ITM2C: variants seen among roughly 807,000 people sequenced by gnomAD.
The protein encoded by ITM2C is integral membrane protein 2C, also known as BRICHOS domain containing 2C.
A neutral mutation model predicts 30.0 loss-of-function variants in ITM2C; 20 were observed. The observed-to-expected ratio is 0.67, with a 90% CI of 0.47 to 0.97. The LOEUF (loss-of-function observed/expected upper bound fraction) is 0.97. Among genes scored for constraint, ITM2C ranks in the 50% least tolerant of loss-of-function variants. ITM2C has a pLI of 0.00. For synonymous variants in ITM2C, 167 were observed against 156.4 expected, an observed-to-expected ratio of 1.07 and a Z score of -0.51; for missense variants, 366 against 371.9, an observed-to-expected ratio of 0.98 and a Z score of 0.13.
In ITM2C at chr2:230,874,204, A is replaced by G. The variant is rs532491705; in HGVS notation, c.261+647A>G. ...GGGTGACAAAGAGGTGGGACTTGCC[A>G]GTCATTTATGACCCAAGTGACCTCC... On this transcript the variant is annotated intron_variant, in intron 2 of 5. Transcript: ENST00000326427. 2.4e-4 allele frequency among the ~76,000 whole-genome samples: 36 copies of G among 152,322 alleles called. 1 individual carries two copies. The South Asian group carries it at 7.3e-3, about 31-fold the overall frequency.
In ITM2C at chr2:230,873,226, T is replaced by C. The variant is rs1574594859; in HGVS notation, c.121-191T>C. 6 of 474,338 alleles carry C rather than the reference T, an allele frequency of 1.3e-5. No homozygotes were observed. In the East Asian group the frequency reaches 2.1e-4, roughly 16 times the overall value. 29.4% of individuals were successfully genotyped at this position (474,338 alleles called of 1,614,324 possible). The stretch of plus-strand genomic sequence containing the variant: ...TTTTCTCTTTCGAGGTTTGTCTCGG[T>C]TTCTCTTTAGCCAGGACGAGTCCGG... On this transcript the variant is annotated intron_variant, in intron 1 of 5. Transcript: ENST00000326427.
rs145825288 is a variant in ITM2C at position 230,877,486 on chromosome 2, C to G, written c.648C>G (p.Ser216=). Residue 216 remains serine, a synonymous_variant, in exon 5 of 6, where the codon TCC becomes TCG. Transcript: ENST00000326427. This position sits in a 1 kb window ranked among gnomAD's most constrained non-coding sequence, Gnocchi z 4.8. Reference sequence around the variant, plus strand: ...TCAGTGACAAGGAGGCCCTGGGGTCCTTCATCTACCACCTGTGCAACGGGA... The same window carrying G: ...TCAGTGACAAGGAGGCCCTGGGGTCGTTCATCTACCACCTGTGCAACGGGA... The part of the protein sequence containing the change: ...EHVSDKEALG[S]FIYHLCNGKD... 2 of 1,614,078 alleles carry G rather than the reference C, an allele frequency of 1.2e-6. No homozygotes were observed. The highest frequency in any genetic ancestry group is 1.7e-6 in the Non-Finnish European group (2 of 1,179,994).
At chr2:230,870,086 G>A (rs1284494929) in intron 1 of ITM2C, among the ~76,000 whole-genome samples, 1 of 152,224 alleles carries the variant, frequency 6.6e-6, no homozygotes, top group African/African-American at 2.4e-5. Context: ...TGGGCACCAG[G>A]GATCCCAAGG....
At position 230,870,083 on chromosome 2, in the gene ITM2C, C is replaced by T. The variant is rs576625839; in HGVS notation, c.121-3334C>T. 1.2e-3 allele frequency among the ~76,000 whole-genome samples: 177 copies of T among 152,298 alleles called. 3 individuals are homozygous for T. The South Asian group carries it at 0.034, about 29-fold the overall frequency. ...GCCATCTTTCTAGTGAGCTGGGCAC[C>T]AGGGATCCCAAGGGGCCAGGGCTCT... On this transcript the variant is annotated intron_variant, in intron 1 of 5. Transcript: ENST00000326427.
At chr2:230,871,475 C>G (rs1697163314) in intron 1 of ITM2C, among the ~76,000 whole-genome samples, 1 of 152,248 alleles carries the variant, frequency 6.6e-6, no homozygotes, top group South Asian at 2.1e-4. Flanking sequence ...CTGTGGCCAG[C>G]AGCTGTTCCT....
chr2:230,871,794 G>T (rs572647730), intron 1 of ITM2C, among the ~76,000 whole-genome samples: 9 of 152,218 alleles, frequency 5.9e-5, no homozygotes, highest in South Asian at 2.1e-4. Flanking sequence ...CGCAGTGAAG[G>T]GGGGGTCCTC....
chr2:230,874,091 T>G (rs1697232247), intron 2 of ITM2C, among the ~76,000 whole-genome samples: 1 of 152,144 alleles, frequency 6.6e-6, no homozygotes, highest in Non-Finnish European at 1.5e-5. Context: ...AACCCAGACC[T>G]GGGAGGGAGG....
chr2:230,875,489 C>A, intron 2 of ITM2C, 131 bp from the exon 3 acceptor site: 1 of 754,062 alleles, frequency 1.3e-6, no homozygotes, highest in Non-Finnish European at 2.1e-6. Context: ...AAATGGGTCT[C>A]ACAGTCCCTG....
In ITM2C at chr2:230,864,956, GAGCGGCGGAGGCAGAGACCGAGGCTGC is replaced by G; in HGVS notation, c.-68_-42del. 7.4e-7 allele frequency: 1 copy of G among 1,346,272 alleles called. No homozygotes were observed. The highest frequency in any genetic ancestry group is 3.0e-5 in the East Asian group (1 of 33,100). 83.4% of individuals were successfully genotyped at this position (1,346,272 alleles called of 1,614,324 possible). ...AAACTTCCGGTGCCTGCAGAGCTCG[GAGCGGCGGAGGCAGAGACCGAGGCTGC>G]ACCGGCAGAGGCTGCGGGGCGGACG... is the stretch of plus-strand genomic sequence containing the variant. On this transcript the variant is annotated 5_prime_UTR_variant, in exon 1 of 6. Transcript: ENST00000326427. The surrounding 1 kb of genome is among the most constrained non-coding windows in gnomAD (Gnocchi z 4.3).
chr2:230,869,488 C>G (rs1697111122), intron 1 of ITM2C, among the ~76,000 whole-genome samples: 1 of 152,174 alleles, frequency 6.6e-6, no homozygotes, highest in South Asian at 2.1e-4. Flanking sequence ...GGTCTGGAGC[C>G]TGGGAAAGAA....
At position 230,865,309 on chromosome 2, in the gene ITM2C, G is replaced by T; in HGVS notation, c.120+164G>T. 1.4e-6 allele frequency: 1 copy of T among 704,656 alleles called. No homozygotes were observed. Among genetic ancestry groups the T allele is most frequent in the Non-Finnish European group, 2.0e-6 (1 of 500,072 alleles). 43.7% of individuals were successfully genotyped at this position (704,656 alleles called of 1,614,324 possible). A position where few individuals can be genotyped will look rare whatever the true frequency, so the allele number is the denominator to read the frequency against. ...TGGTTGCTTATCCCAGAATGAGGAG[G>T]GGGCTTAAGTCCCGTACTAAAGCGG... is the stretch of plus-strand genomic sequence containing the variant. On this transcript the variant is annotated intron_variant, in intron 1 of 5. Transcript: ENST00000326427. The surrounding 1 kb of genome is among the most constrained non-coding windows in gnomAD (Gnocchi z 6.8).
At chr2:230,869,430 T>A (rs1697109232) in intron 1 of ITM2C, among the ~76,000 whole-genome samples, 1 of 152,152 alleles carries the variant, frequency 6.6e-6, no homozygotes. Flanking sequence ...AGGCTCTGTC[T>A]TGAACACATA....
At chr2:230,870,171 A>C (rs1697129216) in intron 1 of ITM2C, among the ~76,000 whole-genome samples, 1 of 152,242 alleles carries the variant, frequency 6.6e-6, no homozygotes, top group African/African-American at 2.4e-5. Context: ...CCCCGAGATC[A>C]CAGGCTGCTT....
At chr2:230,864,253 G>T (rs1696968913), upstream of ITM2C, among the ~76,000 whole-genome samples, 1 of 152,150 alleles carries the variant, frequency 6.6e-6, no homozygotes. The surrounding 1 kb of genome is among the most constrained non-coding windows in gnomAD (Gnocchi z 4.3). Context: ...AACTGAGGTC[G>T]CAGCAACACG....
At position 230,875,809 on chromosome 2, in the gene ITM2C, GTGAGGCTGGCCAGGGCCT is replaced by G; in HGVS notation, c.450+2_450+19del. ...AGACATCATCCATGACTTCCAGCGG[GTGAGGCTGGCCAGGGCCT>G]GGGGGTGGGGGGTGGGAGGGTGTCC... On this transcript the variant is annotated splice_donor_variant and splice_donor_5th_base_variant and intron_variant, in intron 3 of 5. Transcript: ENST00000326427. LOFTEE classifies it high-confidence loss of function. 1 of 1,146,722 alleles carries G rather than the reference GTGAGGCTGGCCAGGGCCT, an allele frequency of 8.7e-7. No individual in the cohort carries two copies. Among genetic ancestry groups the G allele is most frequent in the Non-Finnish European group, 1.2e-6 (1 of 849,792 alleles). 71.0% of individuals were successfully genotyped at this position (1,146,722 alleles called of 1,614,324 possible).
chr2:230,874,973 G>A (rs143568581), intron 2 of ITM2C, among the ~76,000 whole-genome samples: 4 of 152,206 alleles, frequency 2.6e-5, no homozygotes, highest in Admixed American at 1.3e-4. Flanking sequence ...GCACTTGTCC[G>A]AGGCTGGATG....
intron 1 of ITM2C, among the ~76,000 whole-genome samples, chr2:230,869,169 C>A (rs1171488605): frequency 1.3e-5 from 2 of 152,214 alleles, no homozygotes; most frequent in Non-Finnish European, 2.9e-5. Flanking sequence ...AGGGCTCTTC[C>A]AGCAGTGAGC....
chr2:230,875,749 G>A lies in ITM2C; in HGVS notation c.391G>A (p.Val131Met), dbSNP rs753559957. ...YLDENYERIN[V>M]PVPQFGGGDP... ...CGACGAGAACTACGAGCGCATCAAC[G>A]TGCCTGTGCCCCAGTTTGGCGGCGG... Residue 131 changes from valine to methionine, a missense_variant, in exon 3 of 6, where the codon GTG (valine) becomes ATG (methionine). Transcript: ENST00000326427. The A allele has an allele frequency of 5.6e-6, 9 of 1,610,296 alleles. No individual in the cohort carries two copies. The highest frequency in any genetic ancestry group is 2.2e-5 in the East Asian group (1 of 44,638).
chr2:230,872,343 C>CG (rs1353652711), intron 1 of ITM2C, among the ~76,000 whole-genome samples: 1 of 152,146 alleles, frequency 6.6e-6, no homozygotes. Context: ...AGCAAGGGCC[C>CG]GGGGGAAGGC....
Sources: allele counts gnomAD v4.1 joint callset (sites outside exome capture counted in the v4.1 genomes callset), GRCh38; gene constraint gnomAD v4.1.1; non-coding constraint Gnocchi (gnomAD v3.1); transcripts MANE v1.5; gene names NCBI Gene and HGNC (gene_info 2026-07-23, HGNC 2026-07-21).